The following ZSCAN5A variants were observed in gnomAD, a reference collection of about 807,000 sequenced individuals.
ZSCAN5A encodes the protein zinc finger and SCAN domain-containing protein 5A.
ZSCAN5A carries 12 observed loss-of-function variants against 23.7 expected under a neutral mutation model. That is an observed-to-expected ratio of 0.51 (90% CI 0.32 to 0.82). ZSCAN5A has a LOEUF of 0.82. Ranked by LOEUF, ZSCAN5A falls within the 40% of genes least tolerant of loss-of-function variation. The probability of loss-of-function intolerance (pLI) is 0.03; values close to 1 mark genes in which losing one functional copy is unlikely to be tolerated. For missense variants in ZSCAN5A, 597 were observed against 617.9 expected (o/e 0.97, Z 0.36); for synonymous variants, 257 against 239.9 (o/e 1.07, Z -0.66).
chr19:56,283,277 T>C (rs1163429824), intron 2 of ZSCAN5A: 2 of 152,164 alleles, frequency 1.3e-5, no homozygotes, highest in East Asian at 1.9e-4. Flanking sequence ...TATTATTACG[T>C]ACTTCATATT....
intron 2 of ZSCAN5A, among the ~76,000 whole-genome samples, chr19:56,333,591 G>A (rs2041508550): frequency 6.6e-6 from 1 of 151,972 alleles, no homozygotes. Flanking sequence ...CTTGGGTGTT[G>A]CTGAGCTTCC....
chr19:56,284,233 C>T, intron 2 of ZSCAN5A: 1 of 963,538 alleles, frequency 1.0e-6, no homozygotes, highest in Non-Finnish European at 1.2e-6. Flanking sequence ...TTCACAATGC[C>T]CCCAGACTGT....
chr19:56,264,370 A>G (rs2037325978), intron 2 of ZSCAN5A, among the ~76,000 whole-genome samples: 1 of 152,186 alleles, frequency 6.6e-6, no homozygotes, highest in African/African-American at 2.4e-5. Flanking sequence ...CTGACTCTCA[A>G]GCTCATGCTC....
chr19:56,282,542 C>T, intron 2 of ZSCAN5A: 1 of 983,890 alleles, frequency 1.0e-6, no homozygotes, highest in Non-Finnish European at 1.2e-6. Context: ...GGTCTGTTTG[C>T]CTTTGTCCAA....
chr19:56,365,901 C>G (rs1193468563), intron 1 of ZSCAN5A: 1 of 152,224 alleles, frequency 6.6e-6, no homozygotes, highest in African/African-American at 2.4e-5. Flanking sequence ...TCTCCAAGGA[C>G]TCTAGCAGGT....
intron 2 of ZSCAN5A, among the ~76,000 whole-genome samples, chr19:56,304,127 G>A (rs761172463): frequency 5.9e-5 from 9 of 152,216 alleles, no homozygotes; most frequent in Non-Finnish European, 8.8e-5. Context: ...GAATCAGGGC[G>A]AGAGTGGGAG....
intron 2 of ZSCAN5A, chr19:56,321,403 T>C (rs2041374251): frequency 3.1e-6 from 2 of 653,018 alleles, no homozygotes; most frequent in Admixed American, 4.8e-5. Context: ...AGCATCCTTA[T>C]CATCTATTTT....
intron 2 of ZSCAN5A, among the ~76,000 whole-genome samples, chr19:56,353,164 T>C (rs891320893): frequency 5.9e-5 from 9 of 152,138 alleles, no homozygotes; most frequent in Non-Finnish European, 1.0e-4. Flanking sequence ...AGGCAAAGAA[T>C]AGTAGACATG....
chr19:56,291,637 A>T (rs1600204205), intron 2 of ZSCAN5A, among the ~76,000 whole-genome samples: 2 of 152,022 alleles, frequency 1.3e-5, no homozygotes, highest in East Asian at 3.9e-4. Context: ...CTGAAACCTA[A>T]GAGTCTTGTT....
intron 2 of ZSCAN5A, among the ~76,000 whole-genome samples, chr19:56,334,081 G>T (rs567536848): frequency 6.6e-6 from 1 of 152,342 alleles, no homozygotes; most frequent in South Asian, 2.1e-4. Context: ...TGCATTCCAA[G>T]ATGGACAAGT....
At chr19:56,245,791 T>A (rs1380203602) in intron 2 of ZSCAN5A, among the ~76,000 whole-genome samples, 1 of 152,168 alleles carries the variant, frequency 6.6e-6, no homozygotes, top group African/African-American at 2.4e-5. Flanking sequence ...TTTCTTAATT[T>A]GAGGAGTGTT....
At chr19:56,356,549 C>G (rs1006555052) in intron 2 of ZSCAN5A, among the ~76,000 whole-genome samples, 1 of 147,834 alleles carries the variant, frequency 6.8e-6, no homozygotes, top group Admixed American at 6.7e-5. Flanking sequence ...CTAACTTCTA[C>G]TACGGGGTGG....
rs772543911 is a variant in ZSCAN5A at position 56,321,124 on chromosome 19, G to A, written c.-357-4856C>T. The A allele has an allele frequency of 3.8e-4, 257 of 672,396 alleles. 1 individual carries two copies. The highest frequency in any genetic ancestry group is 3.0e-3 in the Middle Eastern group (10 of 3,296). 41.7% of individuals were successfully genotyped at this position (672,396 alleles called of 1,614,324 possible). A position where few individuals can be genotyped will look rare whatever the true frequency, so the allele number is the denominator to read the frequency against. ...AACAAGGGGACGGATACTGCTCCAC[G>A]CTGCTAGGATGTCGCCCCTCTTCTC... On this transcript the variant is annotated intron_variant, in intron 2 of 6. Transcript: ENST00000587340.
intron 5 of ZSCAN5A, 65 bp downstream of exon 5, chr19:56,222,526 G>A (rs553735705): frequency 2.4e-4 from 371 of 1,577,926 alleles, no homozygotes; most frequent in Non-Finnish European, 2.9e-4. Context: ...GATAATGCTG[G>A]GCCCCCAGCC....
intron 2 of ZSCAN5A, among the ~76,000 whole-genome samples, chr19:56,231,743 T>C (rs1234174569): frequency 1.3e-5 from 2 of 152,232 alleles, no homozygotes; most frequent in Non-Finnish European, 2.9e-5. Context: ...TTGGTGCATT[T>C]ACACTGCTGT....
At chr19:56,319,763 G>A (rs1198852030), upstream of ZSCAN5A, 137 of 751,860 alleles carry the variant, frequency 1.8e-4, 1 homozygote, top group Non-Finnish European at 5.0e-6. Flanking sequence ...CGGGCCAGTC[G>A]CATCCTAAGC....
chr19:56,284,415 G>A (rs1307946518), intron 2 of ZSCAN5A, among the ~76,000 whole-genome samples: 1 of 151,908 alleles, frequency 6.6e-6, no homozygotes, highest in Non-Finnish European at 1.5e-5. Flanking sequence ...GAGCCCAGAA[G>A]TGGATCTGAT....
chr19:56,224,427 G>A (rs2033682008), intron 3 of ZSCAN5A: 1 of 651,216 alleles, frequency 1.5e-6, no homozygotes, highest in African/African-American at 1.8e-5. Context: ...GAATCTGGAT[G>A]ATTATTTGTC....
chr19:56,275,159 A>G (rs2038153845), intron 2 of ZSCAN5A, among the ~76,000 whole-genome samples: 1 of 151,978 alleles, frequency 6.6e-6, no homozygotes, highest in Admixed American at 6.6e-5. Flanking sequence ...TTAAGTTACT[A>G]TTTTCCCCCT....
Sources: gnomAD v4.1 joint callset for allele counts (sites outside exome capture counted in the v4.1 genomes callset) on GRCh38, gnomAD v4.1.1 for gene constraint, MANE v1.5 for transcripts, NCBI Gene and HGNC (gene_info 2026-07-23, HGNC 2026-07-21) for gene names.